The following JAKMIP2 variants were observed in gnomAD, a reference collection of about 807,000 sequenced individuals.
The protein encoded by JAKMIP2 is janus kinase and microtubule interacting protein 2.
In JAKMIP2, 25 loss-of-function variants were observed where a neutral mutation model predicts 115.0. The observed-to-expected ratio is 0.22, with a 90% CI of 0.16 to 0.30. The LOEUF (loss-of-function observed/expected upper bound fraction) is 0.30. JAKMIP2 is among the 10% of genes least tolerant of loss of function. The pLI, the probability that JAKMIP2 is intolerant of heterozygous loss-of-function variation, is 1.00. For missense variants in JAKMIP2, 642 were observed against 957.6 expected (o/e 0.67, Z 4.35); for synonymous variants, 334 against 343.6 (o/e 0.97, Z 0.31).
chr5:147,738,463 A>G (rs1754009214), intron 1 of JAKMIP2, among the ~76,000 whole-genome samples: 2 of 152,224 alleles, frequency 1.3e-5, no homozygotes, highest in Admixed American at 1.3e-4. Context: ...GATGAACATA[A>G]CATTAACAAG....
intron 1 of JAKMIP2, among the ~76,000 whole-genome samples, chr5:147,679,931 A>C (rs1760172294): frequency 6.6e-6 from 1 of 152,206 alleles, no homozygotes; most frequent in African/African-American, 2.4e-5. Context: ...GAGTGTATGA[A>C]ATAGAATGGT....
At chr5:147,734,567 G>A (rs1753850680) in intron 1 of JAKMIP2, among the ~76,000 whole-genome samples, 1 of 151,590 alleles carries the variant, frequency 6.6e-6, no homozygotes, top group African/African-American at 2.4e-5. Flanking sequence ...GGGTTGATGG[G>A]TGCAGCAAAC....
chr5:147,709,575 G>A (rs115975745), intron 1 of JAKMIP2, among the ~76,000 whole-genome samples: 17,705 of 152,208 alleles, frequency 0.12, 1,277 homozygotes, highest in Middle Eastern at 0.18. Context: ...TCTAGGCCGG[G>A]TGGGGTGGCT....
At chr5:147,758,785 A>G (rs1303892931) in intron 1 of JAKMIP2, among the ~76,000 whole-genome samples, 1 of 152,130 alleles carries the variant, frequency 6.6e-6, no homozygotes, top group African/African-American at 2.4e-5. Context: ...CCACTAGAAC[A>G]TACATAAACG....
intron 12 of JAKMIP2, among the ~76,000 whole-genome samples, chr5:147,634,522 T>A (rs1757516708): frequency 6.6e-6 from 1 of 152,174 alleles, no homozygotes; most frequent in Non-Finnish European, 1.5e-5. Context: ...CTTCCTAGAA[T>A]CTTCTACTGA....
chr5:147,646,397 T>A (rs1758130017), intron 5 of JAKMIP2, among the ~76,000 whole-genome samples: 1 of 152,184 alleles, frequency 6.6e-6, no homozygotes, highest in Non-Finnish European at 1.5e-5. Flanking sequence ...TCTTATTTTT[T>A]AATCTGTCTC....
At chr5:147,641,998 G>A (rs1186925864) in intron 7 of JAKMIP2, among the ~76,000 whole-genome samples, 2 of 152,088 alleles carry the variant, frequency 1.3e-5, no homozygotes, top group Non-Finnish European at 2.9e-5. Flanking sequence ...ATCAGAAAGT[G>A]TACTGTGTTC....
chr5:147,600,715 C>A (rs1469379729), intron 21 of JAKMIP2, among the ~76,000 whole-genome samples: 1 of 152,078 alleles, frequency 6.6e-6, no homozygotes, highest in Non-Finnish European at 1.5e-5. Context: ...CCCACCCTCT[C>A]TCTATCTCCC....
At chr5:147,598,346 G>A (rs1290553614) in intron 21 of JAKMIP2, among the ~76,000 whole-genome samples, 4 of 152,084 alleles carry the variant, frequency 2.6e-5, no homozygotes, top group East Asian at 1.9e-4. Flanking sequence ...GTTCTCCAGC[G>A]TGCAGATGGC....
At chr5:147,605,992 T>A (rs1755991165) in intron 20 of JAKMIP2, among the ~76,000 whole-genome samples, 1 of 152,214 alleles carries the variant, frequency 6.6e-6, no homozygotes, top group Non-Finnish European at 1.5e-5. Context: ...TTGAAAAGCG[T>A]CTGTTCACAT....
intron 1 of JAKMIP2, among the ~76,000 whole-genome samples, chr5:147,695,004 A>G (rs1012914951): frequency 6.6e-6 from 1 of 152,172 alleles, no homozygotes; most frequent in Admixed American, 6.5e-5. Flanking sequence ...AAGCGAGCCA[A>G]TTTGTTTTAT....
intron 1 of JAKMIP2, among the ~76,000 whole-genome samples, chr5:147,701,693 A>AGT (rs764598702): frequency 2.0e-5 from 3 of 152,190 alleles, no homozygotes; most frequent in Non-Finnish European, 4.4e-5. Context: ...CAATGCAACA[A>AGT]GTGCCATTAT....
At chr5:147,684,446 A>G (rs375095974) in intron 1 of JAKMIP2, among the ~76,000 whole-genome samples, 1 of 152,186 alleles carries the variant, frequency 6.6e-6, no homozygotes, top group South Asian at 2.1e-4. Flanking sequence ...ATACTTCTGA[A>G]TAAATAGATG....
chr5:147,686,469 C>T (rs941900445), intron 1 of JAKMIP2, among the ~76,000 whole-genome samples: 6 of 152,082 alleles, frequency 3.9e-5, no homozygotes, highest in African/African-American at 1.4e-4. Flanking sequence ...ACTTTTTTCC[C>T]TTCAATGTCT....
At chr5:147,700,565 T>C (rs759744128) in intron 1 of JAKMIP2, among the ~76,000 whole-genome samples, 1 of 152,162 alleles carries the variant, frequency 6.6e-6, no homozygotes, top group South Asian at 2.1e-4. Context: ...TGAGGAGATA[T>C]AACAGCAGCT....
intron 21 of JAKMIP2, among the ~76,000 whole-genome samples, chr5:147,596,850 G>A (rs1273871745): frequency 1.3e-5 from 2 of 151,984 alleles, no homozygotes; most frequent in Admixed American, 1.3e-4. Flanking sequence ...AAAAACTAAG[G>A]AGTAAAATTT....
chr5:147,744,301 G>A (rs1754271759), intron 1 of JAKMIP2, among the ~76,000 whole-genome samples: 1 of 152,080 alleles, frequency 6.6e-6, no homozygotes, highest in Non-Finnish European at 1.5e-5. Flanking sequence ...GGGGCACTAT[G>A]TCTATAAGAA....
At chr5:147,693,993 G>A (rs759126201) in intron 1 of JAKMIP2, among the ~76,000 whole-genome samples, 21 of 152,230 alleles carry the variant, frequency 1.4e-4, no homozygotes, top group African/African-American at 4.3e-4. Context: ...TGAAGTTTAC[G>A]ATGGACACTG....
chr5:147,604,816 T>C (rs968621295), intron 20 of JAKMIP2, among the ~76,000 whole-genome samples: 9 of 144,550 alleles, frequency 6.2e-5, no homozygotes, highest in African/African-American at 2.5e-4. Flanking sequence ...ATTATTATTA[T>C]TATTATTATT....
Sources: allele counts gnomAD v4.1 joint callset (sites outside exome capture counted in the v4.1 genomes callset), GRCh38; gene constraint gnomAD v4.1.1; transcripts MANE v1.5; gene names NCBI Gene and HGNC (gene_info 2026-07-23, HGNC 2026-07-21).